The following ECH1 variants were observed in gnomAD, a reference collection of about 807,000 sequenced individuals.
The protein encoded by ECH1 is delta(3,5)-Delta(2,4)-dienoyl-CoA isomerase, mitochondrial.
A neutral mutation model predicts 37.0 loss-of-function variants in ECH1; 30 were observed. The observed-to-expected ratio is 0.81, with a 90% CI of 0.61 to 1.10. The LOEUF is 1.10. ECH1 is among the 50% of genes least tolerant of loss of function. The pLI is 0.00. For synonymous variants in ECH1, 178 were observed against 176.0 expected, an observed-to-expected ratio of 1.01 and a Z score of -0.09; for missense variants, 456 against 441.6, an observed-to-expected ratio of 1.03 and a Z score of -0.29.
chr19:38,829,529 A>G (rs994899942), intron 3 of ECH1, among the ~76,000 whole-genome samples: 1 of 151,730 alleles, frequency 6.6e-6, no homozygotes, highest in South Asian at 2.1e-4. Context: ...GAAAACTACA[A>G]TATCTGGGCT....
chr19:38,817,260 C>A (rs774999496), intron 5 of ECH1, 56 bp downstream of exon 5: 1 of 1,529,684 alleles, frequency 6.5e-7, no homozygotes, highest in Non-Finnish European at 8.8e-7. Context: ...GCCGCGGCAT[C>A]GGAGCAGCAG....
At chr19:38,828,637 AG>A (rs1420054685) in intron 3 of ECH1, among the ~76,000 whole-genome samples, 1 of 149,258 alleles carries the variant, frequency 6.7e-6, no homozygotes, top group African/African-American at 2.5e-5. Context: ...TTGTTTTTAG[AG>A]GGAGTCTCGC....
At chr19:38,816,825 C>A in intron 6 of ECH1, 3 of 630,504 alleles carry the variant, frequency 4.8e-6, no homozygotes. Flanking sequence ...CGGCTCCATC[C>A]TGCCTCCCAC....
chr19:38,815,771 C>G, intron 9 of ECH1, 54 bp from the exon 10 acceptor site: 1 of 1,613,696 alleles, frequency 6.2e-7, no homozygotes, highest in Non-Finnish European at 8.5e-7. Flanking sequence ...AGGGGCCAAT[C>G]AGGATAAAGC....
chr19:38,826,575 C>A (rs191415658), intron 3 of ECH1, among the ~76,000 whole-genome samples: 5 of 152,310 alleles, frequency 3.3e-5, no homozygotes, highest in Admixed American at 6.5e-5. Context: ...CAGCTGTAAC[C>A]AACACCTATA....
chr19:38,817,458 A>G lies in ECH1; in HGVS notation c.467T>C (p.Ile156Thr), dbSNP rs770006019. Residue 156 changes from isoleucine (I) to threonine (T), a missense_variant, in exon 4 of 10, where the codon ATC becomes ACC. Ile to Thr is a moderately conservative substitution (Grantham distance 89, BLOSUM62 -1). Coordinates refer to ENST00000221418, the MANE Select transcript of ECH1 (RefSeq NM_001398.3). ...CCAGACCCCTAGAGTCACCCTCTCG[A>G]TGACGTTGAAGGTCTCCTGGTATCG... is the stretch of plus-strand genomic sequence containing the variant. Reference protein sequence around the residue: ...ITRYQETFNVIERCPKPVIAA... With the variant: ...ITRYQETFNVTERCPKPVIAA... 6.2e-7 allele frequency: 1 copy of G among 1,613,702 alleles called. No homozygotes were observed. Among genetic ancestry groups the G allele is most frequent in the Non-Finnish European group, 8.5e-7 (1 of 1,179,868 alleles).
chr19:38,830,891 G>T, intron 3 of ECH1, 187 bp downstream of exon 3: 1 of 594,064 alleles, frequency 1.7e-6, no homozygotes, highest in South Asian at 2.0e-5. Context: ...GGGAGGTGGA[G>T]GTTGCAGTGA....
At chr19:38,817,277 C>T in intron 5 of ECH1, 39 bp downstream of exon 5, 2 of 1,531,512 alleles carry the variant, frequency 1.3e-6, no homozygotes, top group East Asian at 4.9e-5. Flanking sequence ...GCAGCCCCAC[C>T]TGGGGAGCAC....
chr19:38,831,244 C>G (rs1971816778), intron 2 of ECH1, 65 bp downstream of exon 2: 1 of 1,610,868 alleles, frequency 6.2e-7, no homozygotes, highest in South Asian at 1.1e-5. Flanking sequence ...CAACGTTCCA[C>G]TTTCACCCAG....
At chr19:38,817,174 C>T in intron 5 of ECH1, 45 bp from the exon 6 acceptor site, 1 of 1,553,306 alleles carries the variant, frequency 6.4e-7, no homozygotes, top group African/African-American at 1.4e-5. Flanking sequence ...CCAGAACCAA[C>T]CCTGGCTCCC....
At chr19:38,815,741 G>T in intron 9 of ECH1, 24 bp from the exon 10 acceptor site, 3 of 1,614,052 alleles carry the variant, frequency 1.9e-6, no homozygotes, top group Non-Finnish European at 2.5e-6. Flanking sequence ...TGTTGAGAGA[G>T]AACGAGGAGA....
chr19:38,826,000 G>A lies in ECH1; in HGVS notation c.349+5078C>T, dbSNP rs551407805. On this transcript the variant is annotated intron_variant, in intron 3 of 9. Coordinates refer to ENST00000221418, the MANE Select transcript of ECH1 (RefSeq NM_001398.3). Reference sequence around the variant, plus strand: ...AACTGACTTCCTCCTGGACACTGGCGCGGCCTTCTCAGTGTTAATCTCCTG... The same window carrying A: ...AACTGACTTCCTCCTGGACACTGGCACGGCCTTCTCAGTGTTAATCTCCTG... Among the ~76,000 whole-genome samples, 60 of 152,282 alleles carry A rather than the reference G, an allele frequency of 3.9e-4. No individual in the cohort carries two copies. In the South Asian group the frequency reaches 6.2e-3, roughly 16 times the overall value.
chr19:38,824,351 C>T (rs1971707975), intron 3 of ECH1, among the ~76,000 whole-genome samples: 1 of 152,168 alleles, frequency 6.6e-6, no homozygotes, highest in Non-Finnish European at 1.5e-5. Flanking sequence ...CACAACTATT[C>T]CGATCAGCAG....
Position 38,817,075 on chromosome 19 carries a change from A to T in ECH1, c.578T>A (p.Phe193Tyr). Residue 193 changes from phenylalanine (F) to tyrosine (Y), a missense_variant, in exon 6 of 10, where the codon TTC (phenylalanine) becomes TAC (tyrosine). Phe to Tyr is a conservative substitution (Grantham distance 22, BLOSUM62 3). Coordinates refer to ENST00000221418, the MANE Select transcript of ECH1 (RefSeq NM_001398.3). ...GGGAGGATGACTCACCTTCACCTGG[A>T]AGAAAGCATCCTGGGCACAGTACCG... ...DIRYCAQDAF[F>Y]QVKEVDVGLA... 6.4e-7 allele frequency: 1 copy of T among 1,573,052 alleles called. No homozygotes were observed. The highest frequency in any genetic ancestry group is 8.6e-7 in the Non-Finnish European group (1 of 1,159,422).
intron 3 of ECH1, chr19:38,820,106 G>C: frequency 2.1e-6 from 1 of 484,390 alleles, no homozygotes; most frequent in Non-Finnish European, 2.5e-6. Flanking sequence ...TATCGCCCAG[G>C]CTGGCGTGTA....
At position 38,817,668 on chromosome 19, in the gene ECH1, C is replaced by T. The variant is rs892746129; in HGVS notation, c.350-93G>A. 9 of 1,458,300 alleles carry T rather than the reference C, an allele frequency of 6.2e-6. No homozygotes were observed. The East Asian group carries it at 1.2e-4, about 20-fold the overall frequency. The allele number at this position is 1,458,300 out of a possible 1,614,324, so 90.3% of individuals were successfully genotyped here. On this transcript the variant is annotated intron_variant, in intron 3 of 9. Coordinates refer to ENST00000221418, the MANE Select transcript of ECH1 (RefSeq NM_001398.3). The stretch of plus-strand genomic sequence containing the variant: ...AGAACCCAGGCACAGCAGGTTCGAA[C>T]CCCCAAACCACCAAGGCGGAAAAAA...
In ECH1 at chr19:38,817,297, A is replaced by C; in HGVS notation, c.523+19T>G. On this transcript the variant is annotated intron_variant, in intron 5 of 9. Transcript: ENST00000221418. ...CCCACCTGGGGAGCACCCGAGCAGG[A>C]GGATAGCCGCAGACTCACCTCCGCC... is the stretch of plus-strand genomic sequence containing the variant. 3 of 1,540,854 alleles carry C rather than the reference A, an allele frequency of 1.9e-6. No homozygotes were observed. In the South Asian group the frequency reaches 3.6e-5, roughly 19 times the overall value.
rs755346466 is a variant in ECH1, at chr19:38,831,131, T to A, written c.296A>T (p.Asp99Val). The A allele has an allele frequency of 1.2e-6, 2 of 1,613,774 alleles. No homozygotes were observed. Among genetic ancestry groups the A allele is most frequent in the Non-Finnish European group, 1.7e-6 (2 of 1,179,940 alleles). Residue 99 changes from aspartate (D) to valine (V), a missense_variant, in exon 3 of 10, where the codon GAC becomes GTC. Coordinates refer to ENST00000221418, the MANE Select transcript of ECH1 (RefSeq NM_001398.3). ...GATCACCACCGCCCGACAGTCAGCGTCTCTCGAAATCTTGTTGAAGCACTC... is the reference window on the plus strand; with the variant it reads ...GATCACCACCGCCCGACAGTCAGCGACTCTCGAAATCTTGTTGAAGCACTC... ...MVECFNKISR[D>V]ADCRAVVISG...
intron 3 of ECH1, among the ~76,000 whole-genome samples, chr19:38,822,133 G>A (rs975757791): frequency 4.6e-5 from 7 of 152,076 alleles, no homozygotes; most frequent in Admixed American, 1.3e-4. Context: ...TCTAGCTCAA[G>A]GTTTGTAAAT....
Sources: gnomAD v4.1 joint callset for allele counts (sites outside exome capture counted in the v4.1 genomes callset) on GRCh38, gnomAD v4.1.1 for gene constraint, MANE v1.5 for transcripts, NCBI Gene and HGNC (gene_info 2026-07-23, HGNC 2026-07-21) for gene names.